OPCML: variants seen among roughly 807,000 people sequenced by gnomAD.
OPCML encodes opioid-binding protein/cell adhesion molecule.
A neutral mutation model predicts 37.8 loss-of-function variants in OPCML; 13 were observed. The observed-to-expected ratio is 0.34, with a 90% CI of 0.22 to 0.55. The LOEUF (loss-of-function observed/expected upper bound fraction) is 0.55, where lower values mean the gene tolerates loss of function less well. Among genes scored for constraint, OPCML ranks in the 20% least tolerant of loss-of-function variants. The probability of loss-of-function intolerance (pLI) is 0.91; values close to 1 mark genes in which losing one functional copy is unlikely to be tolerated. For missense variants in OPCML, 341 were observed against 435.6 expected (o/e 0.78, Z 1.93); for synonymous variants, 176 against 168.8 (o/e 1.04, Z -0.33).
intron 1 of OPCML, among the ~76,000 whole-genome samples, chr11:133,123,946 C>G (rs1949459032): frequency 6.6e-6 from 1 of 152,042 alleles, no homozygotes; most frequent in Non-Finnish European, 1.5e-5. Context: ...AGAGCCACCC[C>G]CAAGAAGTTG....
At chr11:133,464,351 G>T (rs1946927867) in intron 1 of OPCML, among the ~76,000 whole-genome samples, 1 of 151,948 alleles carries the variant, frequency 6.6e-6, no homozygotes, top group Non-Finnish European at 1.5e-5. Context: ...TTGTCCCTAG[G>T]ATACAATGGC....
At chr11:133,413,849 A>G (rs1008190501) in intron 1 of OPCML, among the ~76,000 whole-genome samples, 3 of 152,168 alleles carry the variant, frequency 2.0e-5, no homozygotes, top group African/African-American at 4.8e-5. Flanking sequence ...ACCCAGTCCA[A>G]TTGGCTGCCA....
At chr11:132,854,466 A>T (rs190819160) in intron 2 of OPCML, among the ~76,000 whole-genome samples, 1 of 152,186 alleles carries the variant, frequency 6.6e-6, no homozygotes, top group African/African-American at 2.4e-5. Context: ...TGGGAGTGAA[A>T]GTTCCAAGGC....
At chr11:132,835,021 A>G (rs7128493) in intron 2 of OPCML, among the ~76,000 whole-genome samples, 134,084 of 151,014 alleles carry the variant, frequency 0.89, 60,659 homozygotes, top group Middle Eastern at 0.96. Flanking sequence ...AAGGAGGGGG[A>G]CCACCAGCTT....
chr11:132,887,481 C>T (rs1943467768), intron 2 of OPCML, among the ~76,000 whole-genome samples: 1 of 152,208 alleles, frequency 6.6e-6, no homozygotes, highest in African/African-American at 2.4e-5. Context: ...CTATTTTGCA[C>T]TCACCCCGAA....
intron 1 of OPCML, among the ~76,000 whole-genome samples, chr11:133,276,066 T>C (rs529403448): frequency 1.3e-5 from 2 of 152,268 alleles, no homozygotes; most frequent in South Asian, 2.1e-4. Context: ...CTAGATTCAG[T>C]ATAAAAAATG....
intron 1 of OPCML, among the ~76,000 whole-genome samples, chr11:133,288,537 T>G (rs1942367345): frequency 6.6e-6 from 1 of 152,194 alleles, no homozygotes; most frequent in Admixed American, 6.5e-5. Context: ...TGTTGCGGTG[T>G]AAGGCCACAG....
chr11:133,171,932 T>C lies in OPCML; in HGVS notation c.62-228922A>G, dbSNP rs112378864. Among the ~76,000 whole-genome samples, 639 of 152,300 alleles carry C rather than the reference T, an allele frequency of 4.2e-3. 3 individuals carry two copies. The highest frequency in any genetic ancestry group is 0.014 in the African/African-American group (597 of 41,572). The stretch of plus-strand genomic sequence containing the variant: ...GTGTGGTTGGTTTATTTCATCATTA[T>C]TGGAAAATTCATGGAATTGATTTAA... On this transcript the variant is annotated intron_variant, in intron 1 of 7. Transcript: ENST00000524381.
intron 2 of OPCML, among the ~76,000 whole-genome samples, chr11:132,787,682 C>T (rs1316787113): frequency 1.1e-4 from 16 of 152,066 alleles, no homozygotes; most frequent in Admixed American, 1.0e-3. Context: ...TTGTGAATTC[C>T]TATGTTTGAC....
At chr11:132,799,086 T>G (rs2136198134) in intron 2 of OPCML, among the ~76,000 whole-genome samples, 1 of 152,334 alleles carries the variant, frequency 6.6e-6, no homozygotes, top group South Asian at 2.1e-4. Flanking sequence ...GGTCACCAGC[T>G]GCATTAGCCC....
At chr11:133,001,235 T>C (rs2136846920) in intron 1 of OPCML, among the ~76,000 whole-genome samples, 1 of 151,914 alleles carries the variant, frequency 6.6e-6, no homozygotes, top group Non-Finnish European at 1.5e-5. Flanking sequence ...AGGGTTGGAG[T>C]CCCTATTTCA....
intron 1 of OPCML, among the ~76,000 whole-genome samples, chr11:133,115,110 T>A (rs1357392859): frequency 6.6e-6 from 1 of 152,232 alleles, no homozygotes; most frequent in Non-Finnish European, 1.5e-5. Context: ...CCACACTGAC[T>A]TTTGCCATAT....
intron 2 of OPCML, among the ~76,000 whole-genome samples, chr11:132,881,113 T>A (rs1943208535): frequency 6.6e-6 from 1 of 152,258 alleles, no homozygotes; most frequent in South Asian, 2.1e-4. Flanking sequence ...CACCATTTAT[T>A]CTTTAGTTGG....
At chr11:133,236,495 G>A (rs1348710733) in intron 1 of OPCML, among the ~76,000 whole-genome samples, 1 of 146,036 alleles carries the variant, frequency 6.8e-6, no homozygotes, top group Non-Finnish European at 1.6e-5. Context: ...AAGTAAAGTA[G>A]AGGTTCCTTT....
chr11:133,311,875 G>A (rs1006703782), intron 1 of OPCML, among the ~76,000 whole-genome samples: 3 of 152,202 alleles, frequency 2.0e-5, no homozygotes, highest in Non-Finnish European at 2.9e-5. Context: ...TCTGACAGAA[G>A]TGTCACAGTG....
At chr11:132,864,378 T>C (rs1401699295) in intron 2 of OPCML, among the ~76,000 whole-genome samples, 1 of 152,194 alleles carries the variant, frequency 6.6e-6, no homozygotes, top group Non-Finnish European at 1.5e-5. Context: ...TCCAAAGATA[T>C]GTTTAAGGCT....
At chr11:133,308,673 A>G (rs1001564410) in intron 1 of OPCML, among the ~76,000 whole-genome samples, 1 of 152,180 alleles carries the variant, frequency 6.6e-6, no homozygotes, top group Non-Finnish European at 1.5e-5. Context: ...ACCCAGCACC[A>G]AGATCTTGGT....
At chr11:133,262,639 C>T (rs1941528399) in intron 1 of OPCML, among the ~76,000 whole-genome samples, 1 of 152,292 alleles carries the variant, frequency 6.6e-6, no homozygotes, top group East Asian at 1.9e-4. Context: ...GCCTTCTTTG[C>T]CAACGCTATG....
rs375016068 is a variant in OPCML at position 132,639,476 on chromosome 11, G to A, written c.379+17611C>T. On this transcript the variant is annotated intron_variant, in intron 3 of 7. Transcript: ENST00000524381. Reference sequence around the variant, plus strand: ...GGTCCATCACTCATTCCCATAAATCGCACTTATGCTTCTCCCTGGAATAGC... The same window carrying A: ...GGTCCATCACTCATTCCCATAAATCACACTTATGCTTCTCCCTGGAATAGC... 5.7e-4 allele frequency among the ~76,000 whole-genome samples: 87 copies of A among 152,230 alleles called. No individual in the cohort carries two copies. In the South Asian group the frequency reaches 0.017, roughly 29 times the overall value.
Sources: allele counts gnomAD v4.1 joint callset (sites outside exome capture counted in the v4.1 genomes callset), GRCh38; gene constraint gnomAD v4.1.1; transcripts MANE v1.5; gene names NCBI Gene and HGNC (gene_info 2026-07-23, HGNC 2026-07-21).